Variants in ARL6IP6 observed in about 807,000 individuals in gnomAD.
The protein encoded by ARL6IP6 is ADP-ribosylation factor-like protein 6-interacting protein 6.
Under a neutral mutation model 21.5 loss-of-function variants are expected in ARL6IP6, and 22 were observed. That is an observed-to-expected ratio of 1.02 (90% CI 0.73 to 1.46). The LOEUF (loss-of-function observed/expected upper bound fraction) is 1.46, where lower values mean the gene tolerates loss of function less well. ARL6IP6 is among the 40% of genes most tolerant of loss of function. ARL6IP6 has a pLI of 0.00. For synonymous variants in ARL6IP6, 164 were observed against 125.3 expected (o/e 1.31, Z -2.06); for missense variants, 388 against 299.8 (o/e 1.29, Z -2.17).
At chr2:152,748,047 A>T (rs1044267160) in intron 3 of ARL6IP6, among the ~76,000 whole-genome samples, 8 of 152,190 alleles carry the variant, frequency 5.3e-5, no homozygotes, top group Admixed American at 1.3e-4. Context: ...CCTGATACCG[A>T]GTATTCTGTA....
At chr2:152,752,982 C>T (rs1701407813) in intron 3 of ARL6IP6, among the ~76,000 whole-genome samples, 1 of 152,004 alleles carries the variant, frequency 6.6e-6, no homozygotes, top group Non-Finnish European at 1.5e-5. Flanking sequence ...ACAGATTGGC[C>T]TTAGATTCCC....
Position 152,719,027 on chromosome 2 carries a change from A to T in ARL6IP6, c.400+3A>T. The T allele has an allele frequency of 1.3e-6, 2 of 1,539,794 alleles. No homozygotes were observed. Among genetic ancestry groups the T allele is most frequent in the Non-Finnish European group, 1.8e-6 (2 of 1,142,556 alleles). Reference sequence around the variant, plus strand: ...CATCGCCTACTTGATCGTTAAAGGTATTGAAGCCGACGCCTTGAAAGTCTG... The same window carrying T: ...CATCGCCTACTTGATCGTTAAAGGTTTTGAAGCCGACGCCTTGAAAGTCTG... On this transcript the variant is annotated splice_donor_region_variant and intron_variant, in intron 1 of 3. Coordinates refer to ENST00000326446, the MANE Select transcript of ARL6IP6 (RefSeq NM_152522.7).
chr2:152,743,826 T>G (rs1000902002), intron 3 of ARL6IP6, among the ~76,000 whole-genome samples: 1 of 152,192 alleles, frequency 6.6e-6, no homozygotes. Flanking sequence ...GTGAATTGGA[T>G]ATCTGAATCC....
intron 3 of ARL6IP6, among the ~76,000 whole-genome samples, chr2:152,754,063 A>C (rs1161538035): frequency 6.7e-6 from 1 of 150,212 alleles, no homozygotes; most frequent in Non-Finnish European, 1.5e-5. Context: ...TTTTTCATAT[A>C]ATTTACATAG....
chr2:152,759,528 A>G (rs1454122238), intron 3 of ARL6IP6, among the ~76,000 whole-genome samples: 1 of 152,214 alleles, frequency 6.6e-6, no homozygotes, highest in Non-Finnish European at 1.5e-5. Context: ...ATTTGAAACA[A>G]CTGTAATTGT....
chr2:152,746,437 A>G (rs966534825), intron 3 of ARL6IP6, among the ~76,000 whole-genome samples: 27 of 152,194 alleles, frequency 1.8e-4, no homozygotes, highest in African/African-American at 5.8e-4. Context: ...GTGCTTGCCA[A>G]TTTTGTACTT....
At chr2:152,745,906 T>C (rs539753325) in intron 3 of ARL6IP6, among the ~76,000 whole-genome samples, 60 of 152,044 alleles carry the variant, frequency 3.9e-4, no homozygotes, top group Non-Finnish European at 8.4e-4. Context: ...AATGGAGATA[T>C]GCATAGATAT....
intron 3 of ARL6IP6, among the ~76,000 whole-genome samples, chr2:152,751,200 CTTTT>C (rs58660367): frequency 6.6e-6 from 1 of 151,378 alleles, no homozygotes; most frequent in Non-Finnish European, 1.5e-5. Flanking sequence ...CCACGTTTGA[CTTTT>C]TTTTTATTTT....
chr2:152,720,410 T>C (rs1381531016), intron 1 of ARL6IP6, 123 bp from the exon 2 acceptor site: 1 of 903,820 alleles, frequency 1.1e-6, no homozygotes, highest in Non-Finnish European at 1.8e-6. Context: ...GAATCAGAAT[T>C]TGAACCCAGT....
rs754925855 is a variant in ARL6IP6 at position 152,759,835 on chromosome 2, A to G, written c.676A>G (p.Met226Val). The G allele has an allele frequency of 6.8e-6, 11 of 1,611,550 alleles. No individual in the cohort carries two copies. In the Admixed American group the frequency reaches 1.2e-4, roughly 17 times the overall value. Residue 226 changes from methionine (M) to valine (V), a missense_variant, in exon 4 of 4, where the codon ATG (methionine) becomes GTG (valine). Coordinates refer to ENST00000326446, the MANE Select transcript of ARL6IP6 (RefSeq NM_152522.7). Reference protein sequence around the residue: ...VAALTVAWCLM With the variant: ...VAALTVAWCLV ...TGCTCTTACTGTAGCATGGTGCCTC[A>G]TGTAAACCCACACTGGAGCGATATT... is the stretch of plus-strand genomic sequence containing the variant.
At chr2:152,757,758 G>A (rs1406928507) in intron 3 of ARL6IP6, among the ~76,000 whole-genome samples, 1 of 152,116 alleles carries the variant, frequency 6.6e-6, no homozygotes, top group African/African-American at 2.4e-5. Flanking sequence ...GTTCCCAGTG[G>A]GAATATGGTA....
upstream of ARL6IP6, chr2:152,718,284 C>T: frequency 3.6e-6 from 1 of 275,830 alleles, no homozygotes; most frequent in Non-Finnish European, 6.3e-6. Flanking sequence ...CGCGCGCTCC[C>T]GTTGGTGACG....
chr2:152,755,063 C>A (rs570354964), intron 3 of ARL6IP6, among the ~76,000 whole-genome samples: 1 of 152,118 alleles, frequency 6.6e-6, no homozygotes, highest in Admixed American at 6.6e-5. Context: ...CCTCTCTCTA[C>A]AATCATAACC....
chr2:152,734,471 A>T (rs1188837509), intron 2 of ARL6IP6, among the ~76,000 whole-genome samples: 1 of 152,176 alleles, frequency 6.6e-6, no homozygotes, highest in Non-Finnish European at 1.5e-5. Context: ...TGATTTATGA[A>T]ATTAAATGAA....
intron 2 of ARL6IP6, among the ~76,000 whole-genome samples, chr2:152,729,006 C>T (rs572713929): frequency 3.4e-5 from 5 of 148,176 alleles, no homozygotes; most frequent in South Asian, 2.2e-4. Context: ...TGCAGTGAGC[C>T]GAGATTGCGC....
chr2:152,734,732 A>C (rs893522041), intron 2 of ARL6IP6, among the ~76,000 whole-genome samples: 16 of 152,150 alleles, frequency 1.1e-4, no homozygotes, highest in Non-Finnish European at 5.9e-5. Context: ...TGAAGATGTT[A>C]TGTTCTTGTT....
chr2:152,726,166 A>G (rs1322003414), intron 2 of ARL6IP6, among the ~76,000 whole-genome samples: 3 of 151,946 alleles, frequency 2.0e-5, no homozygotes, highest in African/African-American at 7.3e-5. Context: ...TAATTTTCCC[A>G]TGTGAATCTA....
chr2:152,736,899 G>A (rs528751498), intron 3 of ARL6IP6, among the ~76,000 whole-genome samples: 1 of 152,110 alleles, frequency 6.6e-6, no homozygotes, highest in Non-Finnish European at 1.5e-5. Flanking sequence ...TTTTATATAA[G>A]GGACTTGAAC....
At chr2:152,737,157 A>G (rs16831728) in intron 3 of ARL6IP6, among the ~76,000 whole-genome samples, 8,672 of 152,250 alleles carry the variant, frequency 0.057, 343 homozygotes, top group East Asian at 0.14. Context: ...ACTGCACCCT[A>G]TATTGTAGTC....
Sources: allele counts gnomAD v4.1 joint callset (sites outside exome capture counted in the v4.1 genomes callset), GRCh38; gene constraint gnomAD v4.1.1; transcripts MANE v1.5; gene names NCBI Gene and HGNC (gene_info 2026-07-23, HGNC 2026-07-21).